Variants in CDKAL1 observed in about 807,000 individuals in gnomAD.
The protein encoded by CDKAL1 is CDKAL1 threonylcarbamoyladenosine tRNA methylthiotransferase.
CDKAL1 carries 32 observed loss-of-function variants against 68.2 expected under a neutral mutation model. The ratio of observed to expected loss-of-function variants is 0.47; its 90% confidence interval spans 0.35 to 0.63. The LOEUF (loss-of-function observed/expected upper bound fraction) is 0.63, where lower values mean the gene tolerates loss of function less well. Among genes scored for constraint, CDKAL1 ranks in the 30% least tolerant of loss-of-function variants. CDKAL1 has a pLI of 0.00. For synonymous variants in CDKAL1, 234 were observed against 244.3 expected (o/e 0.96, Z 0.39); for missense variants, 606 against 696.7 (o/e 0.87, Z 1.47).
At chr6:20,962,681 G>T (rs1355967460) in intron 10 of CDKAL1, among the ~76,000 whole-genome samples, 1 of 152,006 alleles carries the variant, frequency 6.6e-6, no homozygotes, top group East Asian at 1.9e-4. Flanking sequence ...TTTCCTTAGG[G>T]TTTATACTTT....
intron 13 of CDKAL1, among the ~76,000 whole-genome samples, chr6:21,167,062 A>G (rs1475966127): frequency 2.0e-5 from 3 of 152,238 alleles, no homozygotes. Flanking sequence ...CATGAGGAAC[A>G]AATGAGATAA....
intron 8 of CDKAL1, among the ~76,000 whole-genome samples, chr6:20,800,222 C>A (rs1392320871): frequency 6.6e-6 from 1 of 152,064 alleles, no homozygotes; most frequent in East Asian, 1.9e-4. Flanking sequence ...TGGGAAACAA[C>A]CCACAGTGTG....
rs187714733 is a variant in CDKAL1 at position 21,188,117 on chromosome 6, T to C, written c.1300-9904T>C. 1.2e-3 allele frequency among the ~76,000 whole-genome samples: 183 copies of C among 152,348 alleles called. 2 individuals carry two copies. The highest frequency in any genetic ancestry group is 6.8e-3 in the Middle Eastern group (2 of 294). ...TTTTCTTACTGTTTTGTAAAGGCTCTTCATATTATATAACCTATAACATGT... is the reference window on the plus strand; with the variant it reads ...TTTTCTTACTGTTTTGTAAAGGCTCCTCATATTATATAACCTATAACATGT... On this transcript the variant is annotated intron_variant, in intron 13 of 15. Transcript: ENST00000274695.
At chr6:21,036,242 A>G (rs1328151096) in intron 11 of CDKAL1, among the ~76,000 whole-genome samples, 2 of 152,144 alleles carry the variant, frequency 1.3e-5, no homozygotes, top group Non-Finnish European at 2.9e-5. Context: ...ATGTAACTTC[A>G]GGTTGAACAC....
intron 9 of CDKAL1, among the ~76,000 whole-genome samples, chr6:20,934,548 C>CA (rs932552056): frequency 1.4e-4 from 21 of 150,504 alleles, no homozygotes; most frequent in South Asian, 4.2e-4. Context: ...ACTGCATTAA[C>CA]AAAAAAAAAG....
intron 13 of CDKAL1, among the ~76,000 whole-genome samples, chr6:21,164,690 GC>G (rs770933465): frequency 1.3e-5 from 2 of 152,068 alleles, no homozygotes; most frequent in African/African-American, 2.4e-5. Flanking sequence ...AGGTCAGAAT[GC>G]CCCCTCATCT....
At chr6:20,606,877 C>A (rs1429741692) in intron 4 of CDKAL1, among the ~76,000 whole-genome samples, 1 of 152,190 alleles carries the variant, frequency 6.6e-6, no homozygotes, top group Non-Finnish European at 1.5e-5. Flanking sequence ...ATTTATTGAG[C>A]TTCCTTTTGC....
At chr6:21,109,319 A>C (rs770904334) in intron 13 of CDKAL1, among the ~76,000 whole-genome samples, 1 of 152,232 alleles carries the variant, frequency 6.6e-6, no homozygotes, top group Non-Finnish European at 1.5e-5. Context: ...ATCTTTATCT[A>C]TGAATTTATA....
chr6:20,670,288 A>C (rs1160133494), intron 5 of CDKAL1, among the ~76,000 whole-genome samples: 1 of 152,198 alleles, frequency 6.6e-6, no homozygotes, highest in African/African-American at 2.4e-5. Context: ...TTTAATTTGT[A>C]ATACAATTAG....
intron 13 of CDKAL1, among the ~76,000 whole-genome samples, chr6:21,160,486 C>T (rs1369866105): frequency 1.3e-5 from 2 of 150,744 alleles, no homozygotes; most frequent in East Asian, 2.0e-4. Flanking sequence ...TTAGTAGAGA[C>T]GGGGTTTCAC....
chr6:21,092,108 G>A (rs976464178), intron 12 of CDKAL1, among the ~76,000 whole-genome samples: 15 of 148,628 alleles, frequency 1.0e-4, no homozygotes, highest in Admixed American at 4.0e-4. Context: ...GGATGGTCTC[G>A]ATCTCCTGAC....
At chr6:20,807,023 CAT>C (rs1317965061) in intron 8 of CDKAL1, among the ~76,000 whole-genome samples, 4 of 152,108 alleles carry the variant, frequency 2.6e-5, no homozygotes, top group Non-Finnish European at 2.9e-5. Context: ...TTGTATCTGT[CAT>C]GTGCTGAACT....
intron 10 of CDKAL1, among the ~76,000 whole-genome samples, chr6:20,959,438 C>T (rs1764943502): frequency 6.6e-6 from 1 of 151,906 alleles, no homozygotes; most frequent in African/African-American, 2.4e-5. Flanking sequence ...GTCCCTATTG[C>T]CTAAAGGATA....
At chr6:20,829,384 A>C (rs934607271) in intron 8 of CDKAL1, among the ~76,000 whole-genome samples, 7 of 152,218 alleles carry the variant, frequency 4.6e-5, no homozygotes, top group Non-Finnish European at 2.9e-5. Context: ...TAAACCTCAG[A>C]GTGAACTACT....
chr6:20,725,095 G>A (rs541197139), intron 5 of CDKAL1, among the ~76,000 whole-genome samples: 42 of 152,002 alleles, frequency 2.8e-4, no homozygotes, highest in Non-Finnish European at 5.0e-4. Context: ...TAAGGTCTTC[G>A]GATATACTGA....
intron 10 of CDKAL1, among the ~76,000 whole-genome samples, chr6:20,962,577 C>T (rs1193770798): frequency 6.6e-6 from 1 of 152,134 alleles, no homozygotes; most frequent in Non-Finnish European, 1.5e-5. Flanking sequence ...AAAATAATAG[C>T]AAACTCAATA....
chr6:20,603,275 T>C (rs1466356252), intron 4 of CDKAL1, among the ~76,000 whole-genome samples: 1 of 152,188 alleles, frequency 6.6e-6, no homozygotes, highest in East Asian at 1.9e-4. Context: ...AGATCTCAGG[T>C]GACCATGTGG....
At chr6:21,172,245 G>A (rs1440565704) in intron 13 of CDKAL1, among the ~76,000 whole-genome samples, 5 of 152,128 alleles carry the variant, frequency 3.3e-5, no homozygotes, top group Non-Finnish European at 7.3e-5. Flanking sequence ...GTCAAGCTGG[G>A]ACTCACTCTC....
At chr6:20,852,679 G>C (rs1439504018) in intron 9 of CDKAL1, among the ~76,000 whole-genome samples, 2 of 152,216 alleles carry the variant, frequency 1.3e-5, no homozygotes, top group South Asian at 2.1e-4. Context: ...GGCAGAAACA[G>C]AGTATAATTT....
Sources: allele counts gnomAD v4.1 joint callset (sites outside exome capture counted in the v4.1 genomes callset), GRCh38; gene constraint gnomAD v4.1.1; transcripts MANE v1.5; gene names NCBI Gene and HGNC (gene_info 2026-07-23, HGNC 2026-07-21).